The following POC1A variants were observed in gnomAD, a reference collection of about 807,000 sequenced individuals.
POC1A encodes POC1 centriolar protein A.
Under a neutral mutation model 47.8 loss-of-function variants are expected in POC1A, and 34 were observed. The observed-to-expected ratio is 0.71, with a 90% CI of 0.54 to 0.95. POC1A has a LOEUF of 0.95. POC1A is among the 40% of genes least tolerant of loss of function. The pLI is 0.00. For missense variants in POC1A, 466 were observed against 528.3 expected, an observed-to-expected ratio of 0.88 and a Z score of 1.16; for synonymous variants, 177 against 207.6, an observed-to-expected ratio of 0.85 and a Z score of 1.27.
intron 10 of POC1A, among the ~76,000 whole-genome samples, chr3:52,083,965 A>G (rs1192032112): frequency 6.6e-6 from 1 of 152,212 alleles, no homozygotes; most frequent in East Asian, 1.9e-4. Flanking sequence ...AAGAGATATG[A>G]GCCCTAGGGC....
intron 9 of POC1A, among the ~76,000 whole-genome samples, chr3:52,109,240 G>C (rs1165681410): frequency 6.6e-6 from 1 of 152,184 alleles, no homozygotes. Context: ...CATTGGATGT[G>C]ATAAGAGCAC....
intron 10 of POC1A, among the ~76,000 whole-genome samples, chr3:52,078,140 C>G (rs1702174957): frequency 6.6e-6 from 1 of 152,160 alleles, no homozygotes; most frequent in Admixed American, 6.5e-5. Flanking sequence ...TCCAGCCTAG[C>G]TTCAGAGGAG....
At chr3:52,126,981 T>C (rs539454974) in intron 7 of POC1A, among the ~76,000 whole-genome samples, 1 of 152,326 alleles carries the variant, frequency 6.6e-6, no homozygotes, top group African/African-American at 2.4e-5. Context: ...AAGGGTGCCA[T>C]GTCCAAGTGC....
In POC1A at chr3:52,154,375, CG is replaced by C; in HGVS notation, c.-4del. Reference sequence around the variant, plus strand: ...CTTACCGCGCAGGGCGCAGCCATGGCGGGGCTGGCGGCGCCGAAGGCAGCTG... The same window carrying C: ...CTTACCGCGCAGGGCGCAGCCATGGCGGGCTGGCGGCGCCGAAGGCAGCTG... On this transcript the variant is annotated 5_prime_UTR_variant, in exon 1 of 11. Transcript: ENST00000296484. 1 of 1,487,156 alleles carries C rather than the reference CG, an allele frequency of 6.7e-7. No homozygotes were observed. 92.1% of individuals were successfully genotyped at this position (1,487,156 alleles called of 1,614,324 possible). A position where few individuals can be genotyped will look rare whatever the true frequency, so the allele number is the denominator to read the frequency against.
In POC1A at chr3:52,139,208, C is replaced by T. The variant is rs527408177; in HGVS notation, c.680-906G>A. On this transcript the variant is annotated intron_variant, in intron 6 of 10. Coordinates refer to ENST00000296484, the MANE Select transcript of POC1A (RefSeq NM_015426.5). Reference sequence around the variant, plus strand: ...GCACCTATGTGTAAGAGGTACTGTGCGGATGCTACTAAGTTAAGCACATGA... The same window carrying T: ...GCACCTATGTGTAAGAGGTACTGTGTGGATGCTACTAAGTTAAGCACATGA... Among the ~76,000 whole-genome samples the T allele has an allele frequency of 1.5e-4, 23 of 152,254 alleles. No homozygotes were observed. In the South Asian group the frequency reaches 4.1e-3, roughly 27 times the overall value.
chr3:52,113,412 G>A (rs1244710845), intron 9 of POC1A, among the ~76,000 whole-genome samples: 1 of 152,208 alleles, frequency 6.6e-6, no homozygotes, highest in Non-Finnish European at 1.5e-5. Context: ...TACAAAAACT[G>A]TAGTTTGGGG....
rs145897580 is a variant in POC1A at position 52,124,946 on chromosome 3, G to A, written c.882+167C>T. On this transcript the variant is annotated intron_variant, in intron 8 of 10. Coordinates refer to ENST00000296484, the MANE Select transcript of POC1A (RefSeq NM_015426.5). Reference sequence around the variant, plus strand: ...CCATTCTGGAGTGGCAAGGCCCCTGGATCTGGGCAACCCCACCCCAAGCGC... The same window carrying A: ...CCATTCTGGAGTGGCAAGGCCCCTGAATCTGGGCAACCCCACCCCAAGCGC... 5.3e-3 allele frequency among the ~76,000 whole-genome samples: 809 copies of A among 152,260 alleles called. 8 individuals are homozygous for A. Among genetic ancestry groups the A allele is most frequent in the African/African-American group, 0.018 (761 of 41,552 alleles).
At chr3:52,146,944 G>C (rs1698383689) in intron 5 of POC1A, 44 bp downstream of exon 5, 2 of 1,510,944 alleles carry the variant, frequency 1.3e-6, no homozygotes, top group African/African-American at 1.4e-5. Flanking sequence ...TCTGTGCTCT[G>C]TGCTTGAGCG....
At chr3:52,115,356 A>G (rs1294291262) in intron 9 of POC1A, among the ~76,000 whole-genome samples, 2 of 152,140 alleles carry the variant, frequency 1.3e-5, no homozygotes, top group African/African-American at 4.8e-5. Context: ...TCTCTAAGAC[A>G]TATAAATCTG....
chr3:52,096,307 C>G (rs140590439), intron 10 of POC1A, among the ~76,000 whole-genome samples: 1 of 152,208 alleles, frequency 6.6e-6, no homozygotes, highest in South Asian at 2.1e-4. Flanking sequence ...TCTTCAGTGG[C>G]CCAGGCCAGC....
intron 10 of POC1A, among the ~76,000 whole-genome samples, chr3:52,082,222 C>T (rs1702319490): frequency 1.3e-5 from 2 of 152,060 alleles, no homozygotes; most frequent in South Asian, 2.1e-4. Flanking sequence ...CCACAAGGGC[C>T]CTGCAGGCTG....
At chr3:52,102,849 T>G (rs1229594180) in intron 9 of POC1A, among the ~76,000 whole-genome samples, 1 of 152,152 alleles carries the variant, frequency 6.6e-6, no homozygotes, top group East Asian at 1.9e-4. Context: ...CCTATAGGCA[T>G]CAAGAAGTTG....
chr3:52,109,779 C>G (rs1434531262), intron 9 of POC1A, among the ~76,000 whole-genome samples: 1 of 152,210 alleles, frequency 6.6e-6, no homozygotes, highest in African/African-American at 2.4e-5. Context: ...TGGAAACCAT[C>G]TATTCTGATT....
Position 52,090,476 on chromosome 3 carries a change from G to A in POC1A, c.1125+6093C>T, listed in dbSNP as rs1390255823. Among the ~76,000 whole-genome samples, 1 of 152,220 alleles carries A rather than the reference G, an allele frequency of 6.6e-6. No individual in the cohort carries two copies. Among genetic ancestry groups the A allele is most frequent in the Non-Finnish European group, 1.5e-5 (1 of 68,044 alleles). ...AGATCCACCCCCTTGCCCTAAGGAA[G>A]GCCCAGGGCCTCTGCAACTTCCAGA... On this transcript the variant is annotated intron_variant, in intron 10 of 10. Coordinates refer to ENST00000296484, the MANE Select transcript of POC1A (RefSeq NM_015426.5). This position sits in a 1 kb window ranked among gnomAD's most constrained non-coding sequence, Gnocchi z 4.2.
chr3:52,139,669 G>C (rs1490090982), intron 6 of POC1A, among the ~76,000 whole-genome samples: 1 of 152,112 alleles, frequency 6.6e-6, no homozygotes, highest in Non-Finnish European at 1.5e-5. Flanking sequence ...CTCACATCTG[G>C]ATCTCCCATG....
intron 6 of POC1A, among the ~76,000 whole-genome samples, chr3:52,142,673 G>A (rs1258095806): frequency 1.3e-5 from 2 of 152,196 alleles, no homozygotes; most frequent in African/African-American, 4.8e-5. Context: ...AGTCACTAGG[G>A]GAGACACTGC....
At chr3:52,116,500 C>T (rs1298622743) in intron 9 of POC1A, among the ~76,000 whole-genome samples, 2 of 152,176 alleles carry the variant, frequency 1.3e-5, no homozygotes, top group Admixed American at 1.3e-4. Context: ...TCTGTTTCCA[C>T]CCACTCACAG....
chr3:52,116,979 C>T (rs1318921859), intron 9 of POC1A, among the ~76,000 whole-genome samples: 2 of 152,016 alleles, frequency 1.3e-5, no homozygotes, highest in African/African-American at 4.8e-5. Flanking sequence ...CCTGAGCTCT[C>T]GAGTTCGAGA....
chr3:52,080,340 A>G (rs1336259620), intron 10 of POC1A, among the ~76,000 whole-genome samples: 2 of 151,984 alleles, frequency 1.3e-5, no homozygotes, highest in African/African-American at 4.8e-5. Context: ...TGATGCCCAA[A>G]CTCAGGCAGC....
Sources: allele counts gnomAD v4.1 joint callset (sites outside exome capture counted in the v4.1 genomes callset), GRCh38; gene constraint gnomAD v4.1.1; non-coding constraint Gnocchi (gnomAD v3.1); transcripts MANE v1.5; gene names NCBI Gene and HGNC (gene_info 2026-07-23, HGNC 2026-07-21).